The following CNTN3 variants were observed in gnomAD, a reference collection of about 807,000 sequenced individuals.
CNTN3 encodes the protein contactin 3, also known as contactin-3.
In CNTN3, 60 loss-of-function variants were observed where a neutral mutation model predicts 119.1. The ratio of observed to expected loss-of-function variants is 0.50; its 90% CI spans 0.41 to 0.62. CNTN3 has a LOEUF of 0.62. CNTN3 is among the 20% of genes least tolerant of loss of function. CNTN3 has a pLI of 0.00. For missense variants in CNTN3, 1,101 were observed against 1,242.4 expected, an observed-to-expected ratio of 0.89 and a Z score of 1.71; for synonymous variants, 450 against 438.7, an observed-to-expected ratio of 1.03 and a Z score of -0.32.
At chr3:74,436,739 C>T (rs1701873055) in intron 4 of CNTN3, among the ~76,000 whole-genome samples, 1 of 152,234 alleles carries the variant, frequency 6.6e-6, no homozygotes, top group Admixed American at 6.5e-5. Flanking sequence ...GGCAAGACAA[C>T]CATAAAAGCT....
intron 20 of CNTN3, among the ~76,000 whole-genome samples, chr3:74,272,575 A>C (rs1457493683): frequency 1.3e-5 from 2 of 152,214 alleles, no homozygotes; most frequent in Admixed American, 6.5e-5. Flanking sequence ...CTTGTATTGC[A>C]TTATATGTGT....
chr3:74,440,075 G>C (rs1236956378), intron 4 of CNTN3, among the ~76,000 whole-genome samples: 1 of 152,046 alleles, frequency 6.6e-6, no homozygotes. Flanking sequence ...GGTATAACTG[G>C]CTTCCATTAG....
In CNTN3 at chr3:74,299,921, A is replaced by G. The variant is rs1281118031; in HGVS notation, c.2113T>C (p.Ser705Pro). The change falls in exon 17 of 23, where the codon TCT becomes CCT. Residue 705 changes from serine to proline, a missense_variant. Transcript: ENST00000263665. The part of the protein sequence containing the change: ...TEEAVPEVPP[S>P]EVNGGGGSRS... ...CTTCCGCCTCCTCCATTGACTTCAG[A>G]AGGAGGCACTTCTGGAACTATACAG... is the stretch of plus-strand genomic sequence containing the variant. The G allele has an allele frequency of 3.7e-6, 6 of 1,604,946 alleles. No individual in the cohort carries two copies. The South Asian group carries it at 4.5e-5, about 12-fold the overall frequency.
At chr3:74,589,110 T>G (rs1393672541) in intron 1 of CNTN3, among the ~76,000 whole-genome samples, 1 of 150,732 alleles carries the variant, frequency 6.6e-6, no homozygotes, top group African/African-American at 2.4e-5. Flanking sequence ...ACAAATGGGA[T>G]CTAATTAAAC....
chr3:74,597,220 C>T (rs538766515), intron 1 of CNTN3, among the ~76,000 whole-genome samples: 1 of 152,174 alleles, frequency 6.6e-6, no homozygotes, highest in African/African-American at 2.4e-5. Flanking sequence ...AACAGAAAAT[C>T]ATCTTTTATA....
At chr3:74,328,740 A>G (rs2106693821) in intron 13 of CNTN3, among the ~76,000 whole-genome samples, 1 of 152,256 alleles carries the variant, frequency 6.6e-6, no homozygotes, top group South Asian at 2.1e-4. Flanking sequence ...AGTTTTGTGT[A>G]TTACCCCCTT....
chr3:74,483,671 G>A (rs1477270312), intron 4 of CNTN3, among the ~76,000 whole-genome samples: 1 of 152,036 alleles, frequency 6.6e-6, no homozygotes, highest in Admixed American at 6.6e-5. Flanking sequence ...GTGGGACTTG[G>A]AGTTAAGGGG....
rs180874279 is a variant in CNTN3, at chr3:74,428,880, G to C, written c.359-3940C>G. On this transcript the variant is annotated intron_variant, in intron 4 of 22. Coordinates refer to ENST00000263665, the MANE Select transcript of CNTN3 (RefSeq NM_020872.3). ...TTGTACTGTACATTTTCTATGCTTAGATATTTTCAGAAACACAAATACTCA... is the reference window on the plus strand; with the variant it reads ...TTGTACTGTACATTTTCTATGCTTACATATTTTCAGAAACACAAATACTCA... Among the ~76,000 whole-genome samples the C allele has an allele frequency of 3.3e-5, 5 of 152,206 alleles. No homozygotes were observed. In the East Asian group the frequency reaches 9.7e-4, roughly 29 times the overall value.
intron 19 of CNTN3, among the ~76,000 whole-genome samples, chr3:74,294,653 G>A (rs6779469): frequency 0.37 from 55,982 of 151,704 alleles, 10,778 homozygotes; most frequent in South Asian, 0.58. Context: ...CAGATGTTTC[G>A]TCCTATTTCA....
intron 4 of CNTN3, among the ~76,000 whole-genome samples, chr3:74,483,234 T>A (rs551084407): frequency 6.6e-6 from 1 of 152,144 alleles, no homozygotes; most frequent in South Asian, 2.1e-4. Flanking sequence ...AAACCTAAGG[T>A]ATTCAATGTT....
chr3:74,536,229 T>C (rs1703763307), intron 1 of CNTN3, among the ~76,000 whole-genome samples: 1 of 152,060 alleles, frequency 6.6e-6, no homozygotes, highest in South Asian at 2.1e-4. Flanking sequence ...CCAAAAACGG[T>C]GCCAGATTGG....
At chr3:74,392,495 A>G (rs1337467486) in intron 5 of CNTN3, among the ~76,000 whole-genome samples, 2 of 152,210 alleles carry the variant, frequency 1.3e-5, no homozygotes, top group Non-Finnish European at 2.9e-5. Context: ...ATAAAAGAAT[A>G]TTTATAAAAA....
chr3:74,494,508 G>T (rs923337030), intron 3 of CNTN3, among the ~76,000 whole-genome samples: 16 of 151,980 alleles, frequency 1.1e-4, no homozygotes, highest in South Asian at 6.2e-4. Context: ...CAGAAGAAAT[G>T]AGTAGCCTGG....
chr3:74,562,212 T>C (rs889357327), intron 1 of CNTN3, among the ~76,000 whole-genome samples: 1 of 152,182 alleles, frequency 6.6e-6, no homozygotes, highest in African/African-American at 2.4e-5. Context: ...TTTGCAGGTA[T>C]GGATTCTAGC....
At chr3:74,412,362 A>C (rs940885752) in intron 5 of CNTN3, among the ~76,000 whole-genome samples, 2 of 152,192 alleles carry the variant, frequency 1.3e-5, no homozygotes, top group Non-Finnish European at 2.9e-5. Context: ...CTTCAGAAAA[A>C]GTATGTAAAA....
chr3:74,607,443 C>T (rs115844688), intron 1 of CNTN3, among the ~76,000 whole-genome samples: 2,686 of 152,286 alleles, frequency 0.018, 76 homozygotes, highest in African/African-American at 0.062. Context: ...ATAAAATGAA[C>T]TGCGATTGAG....
chr3:74,440,484 A>C (rs894174470), intron 4 of CNTN3, among the ~76,000 whole-genome samples: 20 of 18,706 alleles, frequency 1.1e-3, no homozygotes, highest in Admixed American at 4.4e-3. Context: ...AGCAAATAGC[A>C]AAAAAAAAAA....
At chr3:74,377,247 G>A (rs1704500902) in intron 5 of CNTN3, among the ~76,000 whole-genome samples, 1 of 152,028 alleles carries the variant, frequency 6.6e-6, no homozygotes, top group Non-Finnish European at 1.5e-5. Flanking sequence ...TTATGTCTTA[G>A]AGAGAAGAGC....
chr3:74,301,989 C>T (rs1375222844), intron 14 of CNTN3, among the ~76,000 whole-genome samples, 184 bp from the exon 15 acceptor site: 1 of 152,202 alleles, frequency 6.6e-6, no homozygotes, highest in Non-Finnish European at 1.5e-5. Context: ...TCTCCCTCCC[C>T]GCATTTCTGT....
Sources: allele counts gnomAD v4.1 joint callset (sites outside exome capture counted in the v4.1 genomes callset), GRCh38; gene constraint gnomAD v4.1.1; transcripts MANE v1.5; gene names NCBI Gene and HGNC (gene_info 2026-07-23, HGNC 2026-07-21).